Variants in AFG2A observed in about 807,000 individuals in gnomAD.
The protein encoded by AFG2A is ATPase family gene 2 protein homolog A.
the AFG2A span, among the ~76,000 whole-genome samples, chr4:123,222,120 T>C: frequency 6.6e-6 from 1 of 152,174 alleles, no homozygotes; most frequent in African/African-American, 2.4e-5. Context: ...TTTGTATTTC[T>C]GGCCTCAGTT....
At chr4:123,114,700 G>C in the AFG2A span, among the ~76,000 whole-genome samples, 1 of 152,344 alleles carries the variant, frequency 6.6e-6, no homozygotes, top group South Asian at 2.1e-4. Context: ...TGCCTGGGGA[G>C]CTCTCACCCT....
At chr4:123,213,955 T>C in the AFG2A span, among the ~76,000 whole-genome samples, 1 of 152,200 alleles carries the variant, frequency 6.6e-6, no homozygotes, top group Non-Finnish European at 1.5e-5. Context: ...TAGAAATCTT[T>C]AGTATCCCAG....
the AFG2A span, among the ~76,000 whole-genome samples, chr4:123,235,763 G>A: frequency 1.3e-5 from 2 of 152,130 alleles, no homozygotes. Context: ...CATTCCCACA[G>A]AATAACCAAA....
the AFG2A span, among the ~76,000 whole-genome samples, chr4:123,050,184 A>G: frequency 1.7e-3 from 251 of 151,908 alleles, no homozygotes; most frequent in Admixed American, 5.3e-3. Flanking sequence ...TATGATTTTG[A>G]CTGTTTTGAA....
the AFG2A span, among the ~76,000 whole-genome samples, chr4:123,184,703 A>G: frequency 6.7e-6 from 1 of 149,916 alleles, no homozygotes; most frequent in Non-Finnish European, 1.5e-5. Context: ...CGCCCGGCTA[A>G]TTTTTTGTAT....
the AFG2A span, chr4:123,090,843 G>A: frequency 8.3e-7 from 1 of 1,197,852 alleles, no homozygotes; most frequent in Non-Finnish European, 1.2e-6. Flanking sequence ...CAGGTTCACT[G>A]TGGACTGGTT....
chr4:123,040,318 A>C, the AFG2A span, among the ~76,000 whole-genome samples: 2 of 152,272 alleles, frequency 1.3e-5, no homozygotes, highest in African/African-American at 4.8e-5. Context: ...TTATAGACAA[A>C]AGTGAACTCT....
chr4:122,924,448 A>G, the AFG2A span, among the ~76,000 whole-genome samples: 1 of 152,158 alleles, frequency 6.6e-6, no homozygotes, highest in South Asian at 2.1e-4. Flanking sequence ...GACCACAGCA[A>G]CTTTTGGTAT....
At chr4:122,935,749 C>A in the AFG2A span, 1 of 1,611,534 alleles carries the variant, frequency 6.2e-7, no homozygotes, top group Non-Finnish European at 8.5e-7. Context: ...ACTTTATGGT[C>A]CTCCAGGTAC....
the AFG2A span, among the ~76,000 whole-genome samples, chr4:123,052,552 A>G: frequency 4.6e-5 from 7 of 151,908 alleles, no homozygotes; most frequent in African/African-American, 1.7e-4. Flanking sequence ...TATTTATTTT[A>G]CTCTTCACAG....
At chr4:123,271,175 A>G in the AFG2A span, among the ~76,000 whole-genome samples, 1 of 152,240 alleles carries the variant, frequency 6.6e-6, no homozygotes, top group East Asian at 1.9e-4. Context: ...AGGCCAAAGA[A>G]TTACTTAGAT....
At chr4:123,148,179 T>A in the AFG2A span, among the ~76,000 whole-genome samples, 2 of 152,210 alleles carry the variant, frequency 1.3e-5, no homozygotes, top group African/African-American at 4.8e-5. Context: ...GGAAATTACA[T>A]CCTTTACCAC....
chr4:123,093,415 C>T, the AFG2A span, among the ~76,000 whole-genome samples: 1 of 152,180 alleles, frequency 6.6e-6, no homozygotes, highest in East Asian at 1.9e-4. Flanking sequence ...GAGTCATTGC[C>T]ATGACATTTG....
the AFG2A span, among the ~76,000 whole-genome samples, chr4:123,112,362 T>G: frequency 1.3e-5 from 2 of 152,180 alleles, no homozygotes; most frequent in East Asian, 3.9e-4. Flanking sequence ...ATCCTCAGAT[T>G]CTTGGGATTA....
the AFG2A span, among the ~76,000 whole-genome samples, chr4:123,281,406 A>G: frequency 6.6e-6 from 1 of 152,146 alleles, no homozygotes; most frequent in African/African-American, 2.4e-5. Context: ...GGGGTATTAA[A>G]CCTGAGATGA....
At chr4:122,938,130 C>A in the AFG2A span, 3 of 1,594,252 alleles carry the variant, frequency 1.9e-6, no homozygotes, top group South Asian at 1.2e-5. Context: ...TTTTAGACAC[C>A]CATCAATTAT....
chr4:122,936,099 G>C, the AFG2A span: 1 of 1,599,532 alleles, frequency 6.3e-7, no homozygotes, highest in Non-Finnish European at 8.5e-7. Flanking sequence ...ATTTGTTACA[G>C]ATTCTATGGT....
chr4:122,937,345 C>T, the AFG2A span, among the ~76,000 whole-genome samples: 2 of 152,070 alleles, frequency 1.3e-5, no homozygotes, highest in Admixed American at 1.3e-4. Context: ...ACCACCATGC[C>T]CAGCTAATTT....
chr4:123,015,338 G>A, the AFG2A span, among the ~76,000 whole-genome samples: 4 of 151,796 alleles, frequency 2.6e-5, no homozygotes, highest in Non-Finnish European at 5.9e-5. Flanking sequence ...GCGGCCTTCC[G>A]CAGTGTTTGT....
Sources: allele counts gnomAD v4.1 joint callset (sites outside exome capture counted in the v4.1 genomes callset), GRCh38; gene constraint gnomAD v4.1.1; transcripts MANE v1.5; gene names NCBI Gene and HGNC (gene_info 2026-07-23, HGNC 2026-07-21).